The following GRIK2 variants were observed in gnomAD, a reference collection of about 807,000 sequenced individuals.
The protein encoded by GRIK2 is glutamate receptor ionotropic, kainate 2.
In GRIK2, 32 loss-of-function variants were observed where a neutral mutation model predicts 100.3. The observed-to-expected ratio is 0.32, with a 90% CI of 0.24 to 0.43. The LOEUF is 0.43. Among genes scored for constraint, GRIK2 ranks in the 20% least tolerant of loss-of-function variants. GRIK2 has a pLI of 1.00. For missense variants in GRIK2, 843 were observed against 1,114.9 expected (o/e 0.76, Z 3.47); for synonymous variants, 417 against 389.4 (o/e 1.07, Z -0.83).
chr6:101,393,904 G>T (rs191485996), intron 1 of GRIK2, among the ~76,000 whole-genome samples, 67 bp downstream of exon 1: 23 of 151,876 alleles, frequency 1.5e-4, no homozygotes, highest in Non-Finnish European at 2.9e-4. Flanking sequence ...TCAAGAGGAC[G>T]GGAGGGACTG....
At chr6:101,452,411 T>A (rs560734522) in intron 2 of GRIK2, among the ~76,000 whole-genome samples, 1 of 151,608 alleles carries the variant, frequency 6.6e-6, no homozygotes, top group South Asian at 2.1e-4. Flanking sequence ...TACATCGCTG[T>A]TTAATTGCTC....
intron 11 of GRIK2, among the ~76,000 whole-genome samples, chr6:101,874,134 C>T (rs1785635948): frequency 6.6e-6 from 1 of 152,086 alleles, no homozygotes; most frequent in Admixed American, 6.6e-5. Flanking sequence ...GCTTCTGTTG[C>T]CATTGCTTTT....
intron 4 of GRIK2, among the ~76,000 whole-genome samples, chr6:101,650,699 T>C (rs1461478898): frequency 6.6e-6 from 1 of 152,164 alleles, no homozygotes; most frequent in Non-Finnish European, 1.5e-5. Context: ...CATGATTTTT[T>C]CACATTTGCT....
intron 4 of GRIK2, among the ~76,000 whole-genome samples, chr6:101,631,625 G>A (rs1780747534): frequency 6.6e-6 from 1 of 152,116 alleles, no homozygotes; most frequent in South Asian, 2.1e-4. Flanking sequence ...GCTCACCAGA[G>A]CCTAAACTAG....
intron 2 of GRIK2, among the ~76,000 whole-genome samples, chr6:101,486,080 G>A: frequency 6.6e-6 from 1 of 152,050 alleles, no homozygotes; most frequent in Non-Finnish European, 1.5e-5. Flanking sequence ...GTATTGGTGA[G>A]CCTTAGTCTC....
At chr6:101,493,334 A>G (rs1773244629) in intron 2 of GRIK2, among the ~76,000 whole-genome samples, 1 of 152,052 alleles carries the variant, frequency 6.6e-6, no homozygotes, top group Non-Finnish European at 1.5e-5. Context: ...GGTATCAAGA[A>G]GTGACAAAAA....
intron 4 of GRIK2, among the ~76,000 whole-genome samples, chr6:101,670,973 C>T (rs1347372599): frequency 6.6e-6 from 1 of 152,140 alleles, no homozygotes; most frequent in Non-Finnish European, 1.5e-5. Context: ...GAGATTCAAA[C>T]CCAACACCCC....
chr6:101,639,761 A>T (rs1210383346), intron 4 of GRIK2, among the ~76,000 whole-genome samples: 1 of 152,228 alleles, frequency 6.6e-6, no homozygotes, highest in African/African-American at 2.4e-5. Flanking sequence ...TTCAGAATGC[A>T]AGAAAATAAT....
At chr6:101,672,751 T>C (rs777220412) in intron 4 of GRIK2, among the ~76,000 whole-genome samples, 6 of 152,172 alleles carry the variant, frequency 3.9e-5, no homozygotes, top group Admixed American at 3.3e-4. Flanking sequence ...ACTCCAGCTC[T>C]GTCTGTGTTG....
intron 9 of GRIK2, among the ~76,000 whole-genome samples, chr6:101,805,967 A>G (rs987514731): frequency 6.6e-6 from 1 of 151,964 alleles, no homozygotes; most frequent in African/African-American, 2.4e-5. Context: ...TTCTACTTAG[A>G]TGGTGTCCAT....
intron 10 of GRIK2, among the ~76,000 whole-genome samples, chr6:101,847,600 T>G (rs1783885288): frequency 6.6e-6 from 1 of 152,152 alleles, no homozygotes; most frequent in Admixed American, 6.6e-5. Context: ...AAAACCAAAC[T>G]TCCCGTCTTT....
chr6:101,541,376 C>CACACACACACACACACACACA (rs775232963), intron 2 of GRIK2, among the ~76,000 whole-genome samples: 4 of 5,602 alleles, frequency 7.1e-4, no homozygotes, highest in African/African-American at 1.1e-3. Flanking sequence ...GCGCACACAA[C>CACACACACACACACACACACA]CACACACACA....
At chr6:101,549,646 G>A (rs1362024589) in intron 2 of GRIK2, among the ~76,000 whole-genome samples, 1 of 151,930 alleles carries the variant, frequency 6.6e-6, no homozygotes, top group East Asian at 1.9e-4. Context: ...TTTCCTTGAT[G>A]CTGTATGAAT....
At chr6:101,887,785 A>C (rs1360044193) in intron 11 of GRIK2, among the ~76,000 whole-genome samples, 1 of 151,946 alleles carries the variant, frequency 6.6e-6, no homozygotes, top group African/African-American at 2.4e-5. Flanking sequence ...TCTCCTGAGA[A>C]CTCTATCAGG....
At chr6:101,593,698 G>A (rs997489177) in intron 2 of GRIK2, among the ~76,000 whole-genome samples, 4 of 151,776 alleles carry the variant, frequency 2.6e-5, no homozygotes, top group African/African-American at 7.2e-5. Context: ...TATAGATTAC[G>A]CTGCCAAAAG....
intron 14 of GRIK2, among the ~76,000 whole-genome samples, chr6:102,015,122 C>T (rs925910804): frequency 2.9e-4 from 44 of 152,020 alleles, no homozygotes; most frequent in Admixed American, 2.2e-3. Flanking sequence ...TCTGGGTGCT[C>T]CTATGTTGGG....
At chr6:101,804,228 A>G (rs1780845433) in intron 9 of GRIK2, among the ~76,000 whole-genome samples, 1 of 151,976 alleles carries the variant, frequency 6.6e-6, no homozygotes, top group South Asian at 2.1e-4. Context: ...AGAAGGAAGT[A>G]GAAGTATGGG....
At chr6:101,637,085 T>G (rs865836524) in intron 4 of GRIK2, among the ~76,000 whole-genome samples, 1 of 152,148 alleles carries the variant, frequency 6.6e-6, no homozygotes, top group Non-Finnish European at 1.5e-5. Context: ...ATTCCCATTG[T>G]CATACTCTTA....
At chr6:101,725,192 C>T (rs907593557) in intron 7 of GRIK2, among the ~76,000 whole-genome samples, 1 of 151,986 alleles carries the variant, frequency 6.6e-6, no homozygotes, top group Admixed American at 6.6e-5. Flanking sequence ...TGAACTTTTG[C>T]AGCTATTGAT....
Sources: allele counts gnomAD v4.1 joint callset (sites outside exome capture counted in the v4.1 genomes callset), GRCh38; gene constraint gnomAD v4.1.1; transcripts MANE v1.5; gene names NCBI Gene and HGNC (gene_info 2026-07-23, HGNC 2026-07-21).